Variants in ITGA8 observed in about 807,000 individuals in gnomAD.
ITGA8 encodes integrin alpha-8.
ITGA8 carries 91 observed loss-of-function variants against 142.3 expected under a neutral mutation model. The ratio of observed to expected loss-of-function variants is 0.64; its 90% CI spans 0.54 to 0.76. ITGA8 has a LOEUF of 0.76. ITGA8 is among the 30% of genes least tolerant of loss of function. The probability of loss-of-function intolerance (pLI) is 0.00; values close to 1 mark genes in which losing one functional copy is unlikely to be tolerated. For missense variants in ITGA8, 1,406 were observed against 1,327.7 expected, an observed-to-expected ratio of 1.06 and a Z score of -0.92; for synonymous variants, 505 against 485.2, an observed-to-expected ratio of 1.04 and a Z score of -0.54.
intron 28 of ITGA8, 69 bp downstream of exon 28, chr10:15,530,981 G>T: frequency 1.1e-6 from 1 of 938,178 alleles, no homozygotes; most frequent in Non-Finnish European, 1.6e-6. Flanking sequence ...CCTAGCACAA[G>T]CTAGACAGTG....
At chr10:15,657,040 CA>C (rs1261211476) in intron 10 of ITGA8, among the ~76,000 whole-genome samples, 1 of 152,116 alleles carries the variant, frequency 6.6e-6, no homozygotes, top group Non-Finnish European at 1.5e-5. Context: ...TTCTCTGTTC[CA>C]AACATAGATA....
intron 6 of ITGA8, among the ~76,000 whole-genome samples, chr10:15,676,028 CATA>C (rs1048971715): frequency 6.6e-6 from 1 of 151,926 alleles, no homozygotes; most frequent in African/African-American, 2.4e-5. Context: ...TTTTTATTAA[CATA>C]ATAATGTTAA....
chr10:15,588,005 C>T (rs964863236), intron 22 of ITGA8, among the ~76,000 whole-genome samples: 1 of 152,124 alleles, frequency 6.6e-6, no homozygotes, highest in African/African-American at 2.4e-5. Context: ...AACCGAGACA[C>T]AGCCACATCA....
chr10:15,677,639 T>C lies in ITGA8; in HGVS notation c.631-2A>G. On this transcript the variant is annotated splice_acceptor_variant, in intron 5 of 29. Transcript: ENST00000378076. LOFTEE classifies it high-confidence loss of function. Reference sequence around the variant, plus strand: ...TCCTCCCACAATAAGGTCTCCATTCTACAAAACAGAAACAGCAACAGCAAC... The same window carrying C: ...TCCTCCCACAATAAGGTCTCCATTCCACAAAACAGAAACAGCAACAGCAAC... The C allele has an allele frequency of 6.2e-7, 1 of 1,612,730 alleles. No homozygotes were observed. Among genetic ancestry groups the C allele is most frequent in the Non-Finnish European group, 8.5e-7 (1 of 1,179,342 alleles).
At chr10:15,634,154 ACT>A (rs1477698094) in intron 13 of ITGA8, among the ~76,000 whole-genome samples, 5 of 151,830 alleles carry the variant, frequency 3.3e-5, no homozygotes, top group Admixed American at 2.6e-4. Flanking sequence ...AGCAAGAAAC[ACT>A]CTCTCTTTTT....
intron 23 of ITGA8, among the ~76,000 whole-genome samples, chr10:15,582,405 A>G (rs1834425348): frequency 6.6e-6 from 1 of 152,240 alleles, no homozygotes; most frequent in Non-Finnish European, 1.5e-5. Flanking sequence ...TCAAATTAGG[A>G]CACAAAGAAC....
chr10:15,714,951 A>G (rs1469493651), intron 2 of ITGA8, among the ~76,000 whole-genome samples: 4 of 152,234 alleles, frequency 2.6e-5, no homozygotes, highest in Non-Finnish European at 5.9e-5. Flanking sequence ...ATGTCGTAGT[A>G]AAAGTAGGGT....
intron 10 of ITGA8, 68 bp downstream of exon 10, chr10:15,658,929 CTG>C: frequency 9.9e-7 from 1 of 1,014,660 alleles, no homozygotes. Context: ...GGATGAATAA[CTG>C]ATATGAATAT....
chr10:15,535,135 G>A (rs1415538541), intron 27 of ITGA8, among the ~76,000 whole-genome samples: 2 of 152,172 alleles, frequency 1.3e-5, no homozygotes, highest in African/African-American at 2.4e-5. Flanking sequence ...CACCGGTGCT[G>A]TGCTGGATTT....
At chr10:15,562,243 G>T (rs982069949) in intron 25 of ITGA8, among the ~76,000 whole-genome samples, 5 of 152,232 alleles carry the variant, frequency 3.3e-5, no homozygotes, top group African/African-American at 1.2e-4. Flanking sequence ...GACAGAGAGA[G>T]TGGTGAAGGT....
chr10:15,529,479 C>T (rs966344702), intron 28 of ITGA8, among the ~76,000 whole-genome samples: 1 of 152,250 alleles, frequency 6.6e-6, no homozygotes, highest in Admixed American at 6.5e-5. Context: ...ATCTTGAAAA[C>T]CTTGGATTTT....
At chr10:15,682,579 G>C (rs868692695) in intron 4 of ITGA8, among the ~76,000 whole-genome samples, 9 of 152,154 alleles carry the variant, frequency 5.9e-5, no homozygotes, top group Non-Finnish European at 1.2e-4. Context: ...TTCAAGCCAG[G>C]TGTGGCGGCG....
intron 23 of ITGA8, among the ~76,000 whole-genome samples, chr10:15,583,260 G>A (rs1417294009): frequency 6.6e-6 from 1 of 152,114 alleles, no homozygotes; most frequent in Non-Finnish European, 1.5e-5. Flanking sequence ...AACTAACACA[G>A]GAACAGAAAA....
chr10:15,603,047 T>G (rs542015217), intron 20 of ITGA8, among the ~76,000 whole-genome samples: 1 of 152,242 alleles, frequency 6.6e-6, no homozygotes, highest in South Asian at 2.1e-4. Flanking sequence ...TTTTTTTTTC[T>G]TATACATTTC....
chr10:15,686,362 G>A (rs985443681), intron 3 of ITGA8, among the ~76,000 whole-genome samples: 7 of 152,154 alleles, frequency 4.6e-5, no homozygotes, highest in Admixed American at 2.6e-4. Flanking sequence ...TCAGCATAAG[G>A]TGCAGATGCG....
At chr10:15,644,619 G>A (rs1588695052) in intron 12 of ITGA8, among the ~76,000 whole-genome samples, 1 of 149,578 alleles carries the variant, frequency 6.7e-6, no homozygotes, top group African/African-American at 2.5e-5. Flanking sequence ...ATGAGCCACT[G>A]TGCTTGGCCA....
At chr10:15,695,999 T>G (rs1426245691) in intron 2 of ITGA8, among the ~76,000 whole-genome samples, 1 of 152,234 alleles carries the variant, frequency 6.6e-6, no homozygotes, top group Non-Finnish European at 1.5e-5. Context: ...CATGAAAGCC[T>G]GCCAGACTCT....
chr10:15,524,743 T>A (rs1417680056), intron 28 of ITGA8, among the ~76,000 whole-genome samples: 1 of 152,192 alleles, frequency 6.6e-6, no homozygotes, highest in African/African-American at 2.4e-5. Context: ...AAAGTTTCTT[T>A]AAATATGTGT....
chr10:15,719,675 A>T lies in ITGA8; in HGVS notation c.97T>A (p.Ser33Thr), dbSNP rs1835524545. 1.3e-6 allele frequency: 2 copies of T among 1,498,588 alleles called. No individual in the cohort carries two copies. Among genetic ancestry groups the T allele is most frequent in the Non-Finnish European group, 1.8e-6 (2 of 1,134,508 alleles). 92.8% of individuals were successfully genotyped at this position (1,498,588 alleles called of 1,614,324 possible). ...AAAALGMLLW[S>T]PACQAFNLDV... ...AGGTTGAACGCCTGACAGGCGGGGG[A>T]CCACAGCAACATCCCCAGCGCGGCC... Residue 33 changes from serine to threonine, a missense_variant, in exon 1 of 30, where the codon TCC (serine) becomes ACC (threonine). Physicochemically the swap from Ser to Thr is moderately conservative, Grantham distance 58. Transcript: ENST00000378076.
Sources: allele counts gnomAD v4.1 joint callset (sites outside exome capture counted in the v4.1 genomes callset), GRCh38; gene constraint gnomAD v4.1.1; transcripts MANE v1.5; gene names NCBI Gene and HGNC (gene_info 2026-07-23, HGNC 2026-07-21).